Variants in ROBO2 observed in about 807,000 individuals in gnomAD.
ROBO2 encodes the protein roundabout guidance receptor 2.
A neutral mutation model predicts 160.8 loss-of-function variants in ROBO2; 53 were observed. The ratio of observed to expected loss-of-function variants is 0.33; its 90% confidence interval spans 0.26 to 0.41. ROBO2 has a LOEUF of 0.41. ROBO2 is among the 10% of genes least tolerant of loss of function. The pLI is 1.00. For missense variants in ROBO2, 1,577 were observed against 1,722.4 expected (o/e 0.92, Z 1.49); for synonymous variants, 664 against 611.7 (o/e 1.09, Z -1.26).
At chr3:75,936,403 A>G (rs986133569) in intron 1 of ROBO2, among the ~76,000 whole-genome samples, 2 of 152,180 alleles carry the variant, frequency 1.3e-5, no homozygotes, top group Non-Finnish European at 2.9e-5. Context: ...TTAACTCCGT[A>G]TTTTGTCAAC....
chr3:77,410,034 TC>T (rs2076578186), intron 2 of ROBO2, among the ~76,000 whole-genome samples: 1 of 152,224 alleles, frequency 6.6e-6, no homozygotes, highest in Non-Finnish European at 1.5e-5. Flanking sequence ...TTGGGTTATC[TC>T]CTAAGTGATC....
At chr3:76,925,159 C>G (rs1039425859) in intron 2 of ROBO2, among the ~76,000 whole-genome samples, 7 of 146,132 alleles carry the variant, frequency 4.8e-5, no homozygotes, top group African/African-American at 1.5e-4. Flanking sequence ...TGCAGTGAGC[C>G]GAGATCCCGC....
intron 2 of ROBO2, among the ~76,000 whole-genome samples, chr3:76,999,660 G>T (rs534913629): frequency 6.6e-6 from 1 of 152,226 alleles, no homozygotes; most frequent in East Asian, 1.9e-4. Context: ...AATTTAGCAA[G>T]AAATGTGTGT....
At chr3:76,819,861 G>A (rs1227577077) in intron 2 of ROBO2, among the ~76,000 whole-genome samples, 1 of 152,066 alleles carries the variant, frequency 6.6e-6, no homozygotes, top group Non-Finnish European at 1.5e-5. Flanking sequence ...TTTCAATTGG[G>A]ACCTGTGTCG....
chr3:76,132,399 G>C (rs200567421), intron 2 of ROBO2, among the ~76,000 whole-genome samples: 4 of 133,614 alleles, frequency 3.0e-5, no homozygotes, highest in Admixed American at 7.4e-5. Context: ...ACTGTTGGGG[G>C]GGGGGGGGGA....
chr3:76,809,304 C>A (rs926468921), intron 2 of ROBO2, among the ~76,000 whole-genome samples: 1 of 152,082 alleles, frequency 6.6e-6, no homozygotes, highest in African/African-American at 2.4e-5. Context: ...GGACTGAGAT[C>A]ATTCTCTTGC....
At chr3:76,942,019 A>G (rs752945218) in intron 2 of ROBO2, among the ~76,000 whole-genome samples, 6 of 152,218 alleles carry the variant, frequency 3.9e-5, no homozygotes, top group Non-Finnish European at 7.3e-5. Context: ...ACTTACCTAT[A>G]ATAAATGTTA....
chr3:75,964,777 T>C (rs1368948023), intron 2 of ROBO2, among the ~76,000 whole-genome samples: 2 of 151,660 alleles, frequency 1.3e-5, no homozygotes, highest in Non-Finnish European at 3.0e-5. Flanking sequence ...TCATGAAATA[T>C]ACAGAAAGCA....
chr3:77,206,427 T>C (rs1377171131), intron 2 of ROBO2, among the ~76,000 whole-genome samples: 1 of 152,036 alleles, frequency 6.6e-6, no homozygotes. Context: ...TGTGGCCTCC[T>C]ATAGTGCTGG....
intron 2 of ROBO2, among the ~76,000 whole-genome samples, chr3:77,162,726 A>G (rs1368008301): frequency 2.6e-5 from 4 of 152,218 alleles, no homozygotes; most frequent in South Asian, 4.1e-4. Flanking sequence ...AAGGCTACAC[A>G]TGGGTTTAAA....
At position 77,292,726 on chromosome 3, in the gene ROBO2, ATGGTTAAACGGGAAGTTGAGGCTAGAG is replaced by A. The variant is rs1479392170; in HGVS notation, c.389-184687_389-184661del. On this transcript the variant is annotated intron_variant, in intron 2 of 25. Coordinates refer to ENST00000461745, the Ensembl canonical transcript of ROBO2. Reference sequence around the variant, plus strand: ...TCACCCCAGACATAAAGTAAAATTGATGGTTAAACGGGAAGTTGAGGCTAGAGCACTAAAGACATAAAGTAAATTTGA... The same window carrying A: ...TCACCCCAGACATAAAGTAAAATTGACACTAAAGACATAAAGTAAATTTGA... Among the ~76,000 whole-genome samples, 90 of 98,424 alleles carry A rather than the reference ATGGTTAAACGGGAAGTTGAGGCTAGAG, an allele frequency of 9.1e-4. 1 individual carries two copies. Among genetic ancestry groups the A allele is most frequent in the Middle Eastern group, 0.011 (2 of 178 alleles). The allele number at this position is 98,424 out of a possible 152,430, so 64.6% of individuals were successfully genotyped here.
intron 12 of ROBO2, 112 bp from the exon 14 acceptor site, chr3:77,568,201 G>C: frequency 7.9e-7 from 1 of 1,267,858 alleles, no homozygotes; most frequent in Middle Eastern, 2.6e-4. Context: ...GAGAGTTTTC[G>C]TTTTGTTTCC....
chr3:76,572,791 T>C (rs548290267), intron 2 of ROBO2, among the ~76,000 whole-genome samples: 1 of 152,282 alleles, frequency 6.6e-6, no homozygotes, highest in African/African-American at 2.4e-5. Flanking sequence ...CTTGAGGGAA[T>C]ATTGCAAGTA....
At chr3:76,905,187 T>G (rs1294868033) in intron 2 of ROBO2, among the ~76,000 whole-genome samples, 4 of 152,144 alleles carry the variant, frequency 2.6e-5, no homozygotes, top group Non-Finnish European at 5.9e-5. Flanking sequence ...TCCCAGCCAC[T>G]ATGTAGGAGA....
At chr3:77,289,367 G>A (rs569022601) in intron 2 of ROBO2, among the ~76,000 whole-genome samples, 2 of 152,168 alleles carry the variant, frequency 1.3e-5, no homozygotes, top group African/African-American at 4.8e-5. Context: ...GGTAAGCTGA[G>A]ACTAGATCAC....
chr3:77,092,666 A>G (rs1466913012), intron 1 of ROBO2, among the ~76,000 whole-genome samples: 2 of 147,554 alleles, frequency 1.4e-5, no homozygotes, highest in East Asian at 3.9e-4. Context: ...ATATTATTTT[A>G]ATTAAAACTT....
intron 2 of ROBO2, among the ~76,000 whole-genome samples, chr3:77,185,469 T>A (rs1181544498): frequency 6.6e-6 from 1 of 151,920 alleles, no homozygotes. Context: ...CACAATGTAA[T>A]ACCACGTTAG....
chr3:76,882,151 G>A (rs2073414010), intron 2 of ROBO2, among the ~76,000 whole-genome samples: 1 of 151,620 alleles, frequency 6.6e-6, no homozygotes, highest in African/African-American at 2.4e-5. Context: ...TTGGTTGGGG[G>A]GGTGTGTGTG....
intron 8 of ROBO2, among the ~76,000 whole-genome samples, chr3:77,556,745 A>G (rs1403921176): frequency 1.3e-5 from 2 of 151,934 alleles, no homozygotes; most frequent in Non-Finnish European, 2.9e-5. Flanking sequence ...AGTTGCTTAG[A>G]AATTATTAGA....
Sources: allele counts gnomAD v4.1 joint callset (sites outside exome capture counted in the v4.1 genomes callset), GRCh38; gene constraint gnomAD v4.1.1; transcripts MANE v1.5; gene names NCBI Gene and HGNC (gene_info 2026-07-23, HGNC 2026-07-21).